ZNF90: variants seen among roughly 807,000 people sequenced by gnomAD.
ZNF90 encodes zinc finger protein 90, also known as zinc finger protein HTF9.
In ZNF90, 11 loss-of-function variants were observed where a neutral mutation model predicts 12.0. That is an observed-to-expected ratio of 0.92 (90% CI 0.58 to 1.52). ZNF90 has a LOEUF of 1.52. Among genes scored for constraint, ZNF90 ranks in the 40% most tolerant of loss-of-function variants. The pLI, the probability that ZNF90 is intolerant of heterozygous loss-of-function variation, is 0.00. For synonymous variants in ZNF90, 232 were observed against 240.1 expected (o/e 0.97, Z 0.31); for missense variants, 765 against 711.5 (o/e 1.08, Z -0.86).
intron 2 of ZNF90, 139 bp downstream of exon 2, chr19:20,104,504 C>G: frequency 9.5e-7 from 1 of 1,053,606 alleles, no homozygotes; most frequent in Admixed American, 3.4e-5. Flanking sequence ...TTCAGAATTT[C>G]TTTTAGAAGT....
chr19:20,115,833 CTG>C (rs1315020408), intron 3 of ZNF90, among the ~76,000 whole-genome samples: 3 of 151,924 alleles, frequency 2.0e-5, no homozygotes, highest in African/African-American at 7.3e-5. Flanking sequence ...CAGTAGTTGT[CTG>C]TGTTTCCATT....
chr19:20,110,582 A>G (rs1555704989), intron 3 of ZNF90, among the ~76,000 whole-genome samples: 1 of 152,154 alleles, frequency 6.6e-6, no homozygotes, highest in East Asian at 1.9e-4. Flanking sequence ...CATATTTTGG[A>G]TATAGATTTC....
At chr19:20,088,003 G>C (rs2088873082) in intron 1 of ZNF90, among the ~76,000 whole-genome samples, 1 of 152,098 alleles carries the variant, frequency 6.6e-6, no homozygotes, top group Non-Finnish European at 1.5e-5. Context: ...CTTTGTGGTG[G>C]AATGTCATCA....
intron 1 of ZNF90, among the ~76,000 whole-genome samples, chr19:20,097,678 C>T (rs376917777): frequency 5.3e-5 from 8 of 152,194 alleles, no homozygotes; most frequent in African/African-American, 1.4e-4. Flanking sequence ...TGCCCTAAAT[C>T]TGCAGCTCCA....
chr19:20,113,283 T>A (rs1221985630), intron 3 of ZNF90, among the ~76,000 whole-genome samples: 1 of 151,938 alleles, frequency 6.6e-6, no homozygotes, highest in Non-Finnish European at 1.5e-5. Flanking sequence ...CTCTGCCTCC[T>A]GGGTTCAAGC....
At chr19:20,106,711 C>T (rs1219073571) in intron 3 of ZNF90, among the ~76,000 whole-genome samples, 6 of 152,202 alleles carry the variant, frequency 3.9e-5, no homozygotes, top group African/African-American at 1.4e-4. Flanking sequence ...CCTTGGCCTC[C>T]CAAAGTGCTA....
intron 1 of ZNF90, among the ~76,000 whole-genome samples, chr19:20,102,276 G>T (rs2088995562): frequency 1.3e-5 from 2 of 152,082 alleles, no homozygotes; most frequent in South Asian, 4.1e-4. Flanking sequence ...TGTATTTAGG[G>T]TCGTTAGTCA....
intron 1 of ZNF90, among the ~76,000 whole-genome samples, chr19:20,096,879 A>G (rs1346458670): frequency 6.6e-6 from 1 of 152,136 alleles, no homozygotes; most frequent in Non-Finnish European, 1.5e-5. Context: ...ACCCTATTTA[A>G]CCTTTTTTGT....
rs1025485623 is a variant in ZNF90, at chr19:20,119,543, C to T, written c.*183C>T. On this transcript the variant is annotated 3_prime_UTR_variant, in exon 4 of 4. Coordinates refer to ENST00000418063, the MANE Select transcript of ZNF90 (RefSeq NM_007138.2). ...AATCATTTTAAGGAAGTTCTCAACC[C>T]TTACTACACATAATTCATACTGGAC... 1.7e-6 allele frequency: 1 copy of T among 601,182 alleles called. No homozygotes were observed. The highest frequency in any genetic ancestry group is 2.8e-6 in the Non-Finnish European group (1 of 351,940). The allele number at this position is 601,182 out of a possible 1,614,324, so 37.2% of individuals were successfully genotyped here. A position where few individuals can be genotyped will look rare whatever the true frequency, so the allele number is the denominator to read the frequency against.
At chr19:20,079,741 G>T (rs954353378) in intron 1 of ZNF90, 5 of 205,540 alleles carry the variant, frequency 2.4e-5, no homozygotes, top group Middle Eastern at 2.2e-3. Flanking sequence ...CTTGAGGGAG[G>T]CATATAAGCT....
intron 1 of ZNF90, among the ~76,000 whole-genome samples, chr19:20,092,453 A>G (rs1239610251): frequency 6.6e-6 from 1 of 152,148 alleles, no homozygotes; most frequent in Non-Finnish European, 1.5e-5. Context: ...GGCTGTGTGT[A>G]ATGAAAAGGG....
At position 20,105,227 on chromosome 19, in the gene ZNF90, T is replaced by C. The variant is rs2089025028; in HGVS notation, c.137T>C (p.Val46Ala). Residue 46 changes from valine to alanine, a missense_variant, in exon 3 of 4, where the codon GTT becomes GCT. Transcript: ENST00000418063. ...TTTATTTTTAATAAAACAGGTATTG[T>C]TGTCACTAAGCCAGACCTGATCACC... ...NYRHLVFLGI[V>A]VTKPDLITCL... 1 of 1,599,280 alleles carries C rather than the reference T, an allele frequency of 6.3e-7. No individual in the cohort carries two copies. The highest frequency in any genetic ancestry group is 1.3e-5 in the African/African-American group (1 of 74,154).
chr19:20,110,237 C>T (rs2122516229), intron 3 of ZNF90, among the ~76,000 whole-genome samples: 1 of 152,178 alleles, frequency 6.6e-6, no homozygotes, highest in East Asian at 1.9e-4. Context: ...ATACAATAAA[C>T]ATGGATTTTC....
chr19:20,086,582 T>C (rs1311629745), intron 1 of ZNF90, among the ~76,000 whole-genome samples: 1 of 152,170 alleles, frequency 6.6e-6, no homozygotes, highest in East Asian at 1.9e-4. Context: ...TTTGAATTAA[T>C]CACTTAAATG....
At chr19:20,082,000 G>A (rs1599638309) in intron 1 of ZNF90, among the ~76,000 whole-genome samples, 1 of 151,766 alleles carries the variant, frequency 6.6e-6, no homozygotes, top group African/African-American at 2.4e-5. Flanking sequence ...TCCTGACCTC[G>A]TGATCCACCC....
intron 1 of ZNF90, among the ~76,000 whole-genome samples, chr19:20,099,842 A>T (rs2088975764): frequency 6.6e-6 from 1 of 152,218 alleles, no homozygotes; most frequent in South Asian, 2.1e-4. Context: ...CTCCATGCCC[A>T]TGCAGCAATA....
chr19:20,119,637 TA>T lies in ZNF90; in HGVS notation c.*279del. On this transcript the variant is annotated 3_prime_UTR_variant, in exon 4 of 4. Coordinates refer to ENST00000418063, the MANE Select transcript of ZNF90 (RefSeq NM_007138.2). ...GTTCTCAATTCTTTTTTTTTTTTTT[TA>T]AGAAGGAGTTTCATGCTTCTCACCC... 3.7e-6 allele frequency: 1 copy of T among 273,758 alleles called. No homozygotes were observed. Among genetic ancestry groups the T allele is most frequent in the Non-Finnish European group, 6.8e-6 (1 of 147,260 alleles). 17.0% of individuals were successfully genotyped at this position (273,758 alleles called of 1,614,324 possible).
intron 1 of ZNF90, among the ~76,000 whole-genome samples, chr19:20,101,053 G>A (rs2088985847): frequency 6.6e-6 from 1 of 152,000 alleles, no homozygotes; most frequent in African/African-American, 2.4e-5. Context: ...GTTTGTTACG[G>A]CTCCAGCTGA....
Position 20,119,582 on chromosome 19 carries a change from G to GC in ZNF90, c.*222_*223insC. The GC allele has an allele frequency of 2.2e-6, 1 of 464,430 alleles. No individual in the cohort carries two copies. Among genetic ancestry groups the GC allele is most frequent in the Non-Finnish European group, 3.7e-6 (1 of 267,690 alleles). The allele number at this position is 464,430 out of a possible 1,614,324, so 28.8% of individuals were successfully genotyped here. ...TTCATACTGGACGGAAACTCTACAG[G>GC]TGTGAAAAATGCAGCAAAGCCTATA... On this transcript the variant is annotated 3_prime_UTR_variant, in exon 4 of 4. Transcript: ENST00000418063.
Sources: gnomAD v4.1 joint callset for allele counts (sites outside exome capture counted in the v4.1 genomes callset) on GRCh38, gnomAD v4.1.1 for gene constraint, MANE v1.5 for transcripts, NCBI Gene and HGNC (gene_info 2026-07-23, HGNC 2026-07-21) for gene names.